TENM3: variants seen among roughly 807,000 people sequenced by gnomAD.
TENM3 encodes the protein teneurin-3.
Under a neutral mutation model 255.1 loss-of-function variants are expected in TENM3, and 63 were observed. The observed-to-expected ratio is 0.25, with a 90% CI of 0.20 to 0.30. The LOEUF is 0.30. Ranked by LOEUF, TENM3 falls within the 10% of genes least tolerant of loss-of-function variation. TENM3 has a pLI of 1.00. For synonymous variants in TENM3, 1,306 were observed against 1,322.3 expected (o/e 0.99, Z 0.27); for missense variants, 2,929 against 3,461.1 (o/e 0.85, Z 3.86).
intron 3 of TENM3, among the ~76,000 whole-genome samples, chr4:182,425,776 G>A (rs991343912): frequency 2.0e-5 from 3 of 152,112 alleles, no homozygotes; most frequent in Non-Finnish European, 2.9e-5. Flanking sequence ...TTCGGAGGCC[G>A]AGGCAGGCGG....
chr4:181,967,727 G>A, the TENM3 span, among the ~76,000 whole-genome samples: 1 of 152,084 alleles, frequency 6.6e-6, no homozygotes, highest in African/African-American at 2.4e-5. Context: ...TCAAACCCCT[G>A]AGATTTTTAG....
the TENM3 span, among the ~76,000 whole-genome samples, chr4:181,567,075 G>A: frequency 1.3e-5 from 2 of 152,230 alleles, no homozygotes; most frequent in East Asian, 1.9e-4. Context: ...TGAGGGATTC[G>A]TGCAAATGAT....
At chr4:182,731,875 G>A (rs566711290) in intron 16 of TENM3, among the ~76,000 whole-genome samples, 256 of 151,064 alleles carry the variant, frequency 1.7e-3, no homozygotes, top group Middle Eastern at 6.9e-3. Context: ...TCCACCTCCC[G>A]GGTTCACGCC....
intron 4 of TENM3, among the ~76,000 whole-genome samples, chr4:182,607,318 T>C (rs1748524535): frequency 6.6e-6 from 1 of 152,192 alleles, no homozygotes; most frequent in Non-Finnish European, 1.5e-5. Flanking sequence ...AACATGAAAT[T>C]AAACCATGGT....
chr4:182,746,443 C>T (rs1016288628), intron 19 of TENM3, among the ~76,000 whole-genome samples: 1 of 152,134 alleles, frequency 6.6e-6, no homozygotes, highest in Non-Finnish European at 1.5e-5. Context: ...AAGACATGTT[C>T]TGAGAGTAAT....
chr4:182,229,631 T>TAC (rs1561220250), intron 1 of TENM3, among the ~76,000 whole-genome samples: 6 of 151,408 alleles, frequency 4.0e-5, no homozygotes, highest in African/African-American at 1.2e-4. Flanking sequence ...TGTATATATA[T>TAC]ATATACACAC....
the TENM3 span, among the ~76,000 whole-genome samples, chr4:182,064,439 G>A: frequency 3.9e-5 from 6 of 152,002 alleles, no homozygotes; most frequent in African/African-American, 9.7e-5. Flanking sequence ...TTAGCCGGGC[G>A]TGGTGGCGGG....
intron 3 of TENM3, among the ~76,000 whole-genome samples, chr4:182,553,594 T>C (rs1022341532): frequency 3.9e-5 from 6 of 151,920 alleles, no homozygotes; most frequent in Non-Finnish European, 8.8e-5. Flanking sequence ...CTTAAGAGCA[T>C]AATGAAAGTT....
At chr4:181,787,092 T>TAAGAAA in the TENM3 span, among the ~76,000 whole-genome samples, 7 of 152,190 alleles carry the variant, frequency 4.6e-5, no homozygotes, top group Admixed American at 1.3e-4. Flanking sequence ...ATCAAGGTTT[T>TAAGAAA]AAGAAAAACC....
chr4:182,407,691 G>A (rs957842011), intron 3 of TENM3, among the ~76,000 whole-genome samples: 1 of 152,122 alleles, frequency 6.6e-6, no homozygotes, highest in Non-Finnish European at 1.5e-5. Flanking sequence ...GAATGACTCT[G>A]AATTTTAAAA....
At chr4:182,336,203 C>T (rs1273910591) in intron 2 of TENM3, among the ~76,000 whole-genome samples, 1 of 152,182 alleles carries the variant, frequency 6.6e-6, no homozygotes, top group African/African-American at 2.4e-5. Flanking sequence ...ACAGATAACT[C>T]AGAAGACCTG....
the TENM3 span, among the ~76,000 whole-genome samples, chr4:181,637,883 G>T: frequency 1.3e-5 from 2 of 152,126 alleles, no homozygotes; most frequent in African/African-American, 4.8e-5. Context: ...ATTTCTGAGT[G>T]AACAAATGAG....
intron 1 of TENM3, among the ~76,000 whole-genome samples, chr4:182,197,554 T>A (rs1326520988): frequency 6.6e-6 from 1 of 152,110 alleles, no homozygotes; most frequent in African/African-American, 2.4e-5. Context: ...TGGTATTGCA[T>A]AGGGAAATAA....
the TENM3 span, among the ~76,000 whole-genome samples, chr4:181,581,844 T>A: frequency 1.3e-5 from 2 of 152,010 alleles, no homozygotes; most frequent in South Asian, 4.2e-4. Flanking sequence ...GAGATTCTCC[T>A]GCCTCAGCCT....
chr4:182,764,289 C>G (rs1271224861), intron 22 of TENM3, among the ~76,000 whole-genome samples: 2 of 152,202 alleles, frequency 1.3e-5, no homozygotes, highest in African/African-American at 2.4e-5. Context: ...TGTGCTCATT[C>G]ATTCAGTAAG....
chr4:181,822,387 C>T, the TENM3 span, among the ~76,000 whole-genome samples: 24 of 152,108 alleles, frequency 1.6e-4, no homozygotes, highest in African/African-American at 5.3e-4. Flanking sequence ...AAGTATTTGC[C>T]GTAAGAGTCA....
At position 182,219,111 on chromosome 4, in the gene TENM3, A is replaced by G. The variant is rs554738312; in HGVS notation, c.-76+74357A>G. On this transcript the variant is annotated intron_variant, in intron 1 of 2. Coordinates refer to the TENM3 transcript ENST00000512480. ...GTGGCGGGCACCTGTAGTCTCAGCT[A>G]CTCGGGAGGCTGAGGCAGGTGAATC... is the stretch of plus-strand genomic sequence containing the variant. Among the ~76,000 whole-genome samples, 15 of 152,214 alleles carry G rather than the reference A, an allele frequency of 9.9e-5. No homozygotes were observed. The South Asian group carries it at 3.1e-3, about 32-fold the overall frequency.
the TENM3 span, among the ~76,000 whole-genome samples, chr4:182,098,583 C>A: frequency 2.6e-5 from 4 of 152,138 alleles, no homozygotes; most frequent in African/African-American, 4.8e-5. Flanking sequence ...CACAGAAAGA[C>A]AAATGTCACA....
the TENM3 span, among the ~76,000 whole-genome samples, chr4:181,690,454 T>C: frequency 6.6e-6 from 1 of 152,218 alleles, no homozygotes; most frequent in Non-Finnish European, 1.5e-5. Context: ...CAGGGATATA[T>C]AACTGAGGTA....
Sources: allele counts gnomAD v4.1 joint callset (sites outside exome capture counted in the v4.1 genomes callset), GRCh38; gene constraint gnomAD v4.1.1; transcripts MANE v1.5; gene names NCBI Gene and HGNC (gene_info 2026-07-23, HGNC 2026-07-21).